TMTC3: variants seen among roughly 807,000 people sequenced by gnomAD.
The protein encoded by TMTC3 is protein O-mannosyl-transferase TMTC3.
In TMTC3, 52 loss-of-function variants were observed where a neutral mutation model predicts 92.2. The observed-to-expected ratio is 0.56, with a 90% CI of 0.45 to 0.71. The LOEUF (loss-of-function observed/expected upper bound fraction) is 0.71. Ranked by LOEUF, TMTC3 falls within the 30% of genes least tolerant of loss-of-function variation. The pLI, the probability that TMTC3 is intolerant of heterozygous loss-of-function variation, is 0.00. For synonymous variants in TMTC3, 339 were observed against 363.3 expected, an observed-to-expected ratio of 0.93 and a Z score of 0.76; for missense variants, 896 against 1,057.1, an observed-to-expected ratio of 0.85 and a Z score of 2.11.
In TMTC3 at chr12:88,195,266, T is replaced by C. The variant is rs778646643; in HGVS notation, c.2362T>C (p.Leu788=). The change falls in exon 14 of 14, where the codon TTA becomes CTA. Residue 788 remains leucine (L), a synonymous_variant. Coordinates refer to ENST00000266712, the MANE Select transcript of TMTC3 (RefSeq NM_181783.4). ...CVVYFEEKDL[L]KAERCLLETL... Reference sequence around the variant, plus strand: ...TGTTTATTTTGAAGAAAAAGACTTATTAAAAGCTGAAAGATGCCTTCTTGA... The same window carrying C: ...TGTTTATTTTGAAGAAAAAGACTTACTAAAAGCTGAAAGATGCCTTCTTGA... The C allele has an allele frequency of 2.9e-5, 46 of 1,613,722 alleles. No homozygotes were observed. In the South Asian group the frequency reaches 4.1e-4, roughly 14 times the overall value.
Position 88,166,414 on chromosome 12 carries a change from A to G in TMTC3, c.882A>G (p.Leu294=), listed in dbSNP as rs755407351. ...NYLLPVNAWL[L]LNPSELCCDW... Reference sequence around the variant, plus strand: ...TCCTTCCTGTGAATGCTTGGTTGTTATTAAATCCTTCAGAGCTCTGCTGTG... The same window carrying G: ...TCCTTCCTGTGAATGCTTGGTTGTTGTTAAATCCTTCAGAGCTCTGCTGTG... Residue 294 remains leucine (L), a synonymous_variant, in exon 7 of 14, where the codon TTA becomes TTG. Transcript: ENST00000266712. 3.7e-6 allele frequency: 6 copies of G among 1,613,940 alleles called. No homozygotes were observed. Among genetic ancestry groups the G allele is most frequent in the South Asian group, 2.2e-5 (2 of 91,084 alleles).
intron 6 of TMTC3, among the ~76,000 whole-genome samples, chr12:88,163,392 A>G (rs2041102866): frequency 6.6e-6 from 1 of 152,208 alleles, no homozygotes; most frequent in African/African-American, 2.4e-5. Context: ...GGGAATTTTT[A>G]GCTCTAATGC....
intron 7 of TMTC3, among the ~76,000 whole-genome samples, chr12:88,170,621 A>G (rs1436722393): frequency 4.6e-5 from 7 of 152,196 alleles, no homozygotes; most frequent in Admixed American, 3.3e-4. Context: ...TTTTCAATGT[A>G]TACACCTCTA....
At chr12:88,171,423 A>G (rs183126759) in intron 7 of TMTC3, among the ~76,000 whole-genome samples, 1 of 152,144 alleles carries the variant, frequency 6.6e-6, no homozygotes, top group East Asian at 1.9e-4. Context: ...TTCAACTTTT[A>G]CAAATTCTAC....
intron 4 of TMTC3, among the ~76,000 whole-genome samples, chr12:88,158,004 T>C (rs2041030750): frequency 6.6e-6 from 1 of 152,288 alleles, no homozygotes; most frequent in South Asian, 2.1e-4. Flanking sequence ...GCTCTGACTT[T>C]AAAATCAGAA....
In TMTC3 at chr12:88,167,939, G is replaced by A. The variant is rs533303192; in HGVS notation, c.1050+1357G>A. 1.1e-3 allele frequency among the ~76,000 whole-genome samples: 165 copies of A among 152,274 alleles called. 1 individual carries two copies. Among genetic ancestry groups the A allele is most frequent in the African/African-American group, 3.9e-3 (161 of 41,560 alleles). On this transcript the variant is annotated intron_variant, in intron 7 of 13. Transcript: ENST00000266712. ...TCTCAACTGGGGTTTTGTCAATTCT[G>A]TCAAAGATGGTAGCTGTTAACATTC...
chr12:88,170,587 T>G (rs925704725), intron 7 of TMTC3, among the ~76,000 whole-genome samples: 5 of 152,228 alleles, frequency 3.3e-5, no homozygotes, highest in African/African-American at 9.6e-5. Context: ...ATCATTAATG[T>G]GTGAACATTT....
At chr12:88,173,024 TAA>T (rs1184261011) in intron 8 of TMTC3, 1 of 1,352,028 alleles carries the variant, frequency 7.4e-7, no homozygotes, top group East Asian at 4.2e-5. Flanking sequence ...TTACTGAGAA[TAA>T]AGTCTCAAAT....
At position 88,197,289 on chromosome 12, in the gene TMTC3, A is replaced by AGTT. The variant is rs1491499820; in HGVS notation, c.*1641_*1643dup. The AGTT allele has an allele frequency of 1.8e-5, 2 of 109,408 alleles. No individual in the cohort carries two copies. The highest frequency in any genetic ancestry group is 3.6e-5 in the Non-Finnish European group (2 of 56,040). The allele number at this position is 109,408 out of a possible 1,614,324, so 6.8% of individuals were successfully genotyped here. ...TTTTTTTTTTTTTTTTTTTTTAGGT[A>AGTT]GTTTAAAGCAAGCACTGATACCAGT... is the stretch of plus-strand genomic sequence containing the variant. On this transcript the variant is annotated 3_prime_UTR_variant, in exon 14 of 14. Coordinates refer to ENST00000266712, the MANE Select transcript of TMTC3 (RefSeq NM_181783.4).
intron 4 of TMTC3, among the ~76,000 whole-genome samples, chr12:88,155,656 A>G (rs866056073): frequency 6.6e-6 from 1 of 152,314 alleles, no homozygotes; most frequent in East Asian, 1.9e-4. Flanking sequence ...CTATATTATC[A>G]GGCCTCAGCT....
intron 1 of TMTC3, among the ~76,000 whole-genome samples, chr12:88,147,936 T>TA (rs2040895743): frequency 6.6e-6 from 1 of 152,144 alleles, no homozygotes; most frequent in Non-Finnish European, 1.5e-5. Context: ...GACTTTTTTT[T>TA]ACTTAGCCTT....
chr12:88,153,605 T>A, intron 3 of TMTC3, 96 bp downstream of exon 3: 11 of 610,032 alleles, frequency 1.8e-5, no homozygotes, highest in Non-Finnish European at 2.6e-5. Flanking sequence ...AAAAAAAAAA[T>A]TAACCCTGAC....
At chr12:88,163,794 C>T (rs908220617) in intron 6 of TMTC3, among the ~76,000 whole-genome samples, 2 of 151,838 alleles carry the variant, frequency 1.3e-5, no homozygotes, top group African/African-American at 4.8e-5. Flanking sequence ...AAACTATTTT[C>T]AAATAACACC....
chr12:88,183,735 A>G (rs987218271), intron 10 of TMTC3, among the ~76,000 whole-genome samples: 2 of 152,142 alleles, frequency 1.3e-5, no homozygotes, highest in East Asian at 1.9e-4. Context: ...TCAGAGCCCT[A>G]TGTCTAGCAT....
intron 8 of TMTC3, 99 bp downstream of exon 8, chr12:88,172,844 T>C (rs999852036): frequency 3.4e-6 from 5 of 1,492,364 alleles, no homozygotes; most frequent in East Asian, 4.9e-5. Context: ...GTCATGCTTT[T>C]GTATCTTTTG....
intron 2 of TMTC3, 26 bp downstream of exon 2, chr12:88,148,530 G>A (rs779032637): frequency 7.5e-6 from 11 of 1,463,378 alleles, no homozygotes; most frequent in Admixed American, 2.1e-5. Flanking sequence ...CATATTACTT[G>A]TACATGTCTC....
At chr12:88,149,445 G>C (rs2040914658) in intron 2 of TMTC3, among the ~76,000 whole-genome samples, 1 of 152,104 alleles carries the variant, frequency 6.6e-6, no homozygotes, top group Admixed American at 6.6e-5. Flanking sequence ...AAAAAAGAGA[G>C]TAATGCTTCA....
chr12:88,149,247 G>T (rs1312644634), intron 2 of TMTC3, among the ~76,000 whole-genome samples: 2 of 151,948 alleles, frequency 1.3e-5, no homozygotes, highest in Non-Finnish European at 2.9e-5. Flanking sequence ...TTTTATGAGG[G>T]TATTTTTACT....
intron 10 of TMTC3, among the ~76,000 whole-genome samples, chr12:88,179,405 T>G (rs919944933): frequency 6.6e-6 from 1 of 152,196 alleles, no homozygotes; most frequent in South Asian, 2.1e-4. Flanking sequence ...ACTCTAAGTT[T>G]TCTATCTATA....
Sources: allele counts gnomAD v4.1 joint callset (sites outside exome capture counted in the v4.1 genomes callset), GRCh38; gene constraint gnomAD v4.1.1; transcripts MANE v1.5; gene names NCBI Gene and HGNC (gene_info 2026-07-23, HGNC 2026-07-21).